CDKL3: variants seen among roughly 807,000 people sequenced by gnomAD.
CDKL3 encodes cyclin dependent kinase like 3.
A neutral mutation model predicts 69.3 loss-of-function variants in CDKL3; 65 were observed. That is an observed-to-expected ratio of 0.94 (90% CI 0.77 to 1.15). The LOEUF (loss-of-function observed/expected upper bound fraction) is 1.15. Among genes scored for constraint, CDKL3 ranks in the 50% most tolerant of loss-of-function variants. The pLI is 0.00. For missense variants in CDKL3, 652 were observed against 689.2 expected (o/e 0.95, Z 0.61); for synonymous variants, 202 against 221.6 (o/e 0.91, Z 0.79).
chr5:134,310,923 T>C (rs1168597492), intron 7 of CDKL3, among the ~76,000 whole-genome samples: 5 of 152,252 alleles, frequency 3.3e-5, no homozygotes, highest in African/African-American at 1.2e-4. Flanking sequence ...CCTGGACTCT[T>C]CCATATCTGA....
intron 12 of CDKL3, chr5:134,299,789 T>C (rs1385584147): frequency 2.3e-6 from 3 of 1,327,048 alleles, no homozygotes; most frequent in Non-Finnish European, 2.1e-6. Flanking sequence ...ATTGAGGACA[T>C]GGTGAGTCTT....
intron 2 of CDKL3, among the ~76,000 whole-genome samples, chr5:134,363,728 T>A (rs1312323644): frequency 6.6e-6 from 1 of 152,062 alleles, no homozygotes. Flanking sequence ...CCCAAAGTGC[T>A]AGGATTACTG....
At chr5:134,307,659 G>A (rs1768240527) in intron 9 of CDKL3, among the ~76,000 whole-genome samples, 1 of 152,134 alleles carries the variant, frequency 6.6e-6, no homozygotes, top group Admixed American at 6.6e-5. Flanking sequence ...CTCTCAATCT[G>A]TATCAGAGGT....
chr5:134,361,093 C>A (rs1387857669), intron 2 of CDKL3, among the ~76,000 whole-genome samples: 1 of 152,092 alleles, frequency 6.6e-6, no homozygotes, highest in Non-Finnish European at 1.5e-5. Flanking sequence ...GTAAATGATG[C>A]CCATGTATCA....
intron 4 of CDKL3, among the ~76,000 whole-genome samples, chr5:134,332,224 T>C (rs1447955817): frequency 6.6e-6 from 1 of 152,190 alleles, no homozygotes; most frequent in Non-Finnish European, 1.5e-5. Context: ...TTGCAAAAAT[T>C]TTCTCCCATT....
At position 134,304,458 on chromosome 5, in the gene CDKL3, T is replaced by C; in HGVS notation, c.1568A>G (p.His523Arg). The change falls in exon 11 of 13, where the codon CAT (histidine) becomes CGT (arginine). Residue 523 changes from histidine (H) to arginine (R), a missense_variant. Transcript: ENST00000265334. ...TATTGTGACAGGCAATTCTGGAAAA[T>C]GGAATTCTTTCCTGTCAGATCTGGA... is the stretch of plus-strand genomic sequence containing the variant. ...NFSRSDRKEFHFPELPVTIQS... is the reference protein window; with the variant it reads ...NFSRSDRKEFRFPELPVTIQS... The C allele has an allele frequency of 4.3e-6, 7 of 1,613,146 alleles. No homozygotes were observed. The highest frequency in any genetic ancestry group is 5.9e-6 in the Non-Finnish European group (7 of 1,179,586).
chr5:134,323,028 TG>T (rs1474973044), intron 4 of CDKL3, among the ~76,000 whole-genome samples: 1 of 150,226 alleles, frequency 6.7e-6, no homozygotes, highest in Non-Finnish European at 1.5e-5. Flanking sequence ...TGTGCTGAAA[TG>T]GAATGATCTC....
At chr5:134,296,423 G>T (rs1765352790), downstream of CDKL3, among the ~76,000 whole-genome samples, 1 of 152,158 alleles carries the variant, frequency 6.6e-6, no homozygotes. Context: ...CAGCAGATTT[G>T]CAGGGAAAGT....
At chr5:134,351,268 A>C (rs1336129537) in intron 3 of CDKL3, among the ~76,000 whole-genome samples, 1 of 151,908 alleles carries the variant, frequency 6.6e-6, no homozygotes, top group African/African-American at 2.4e-5. Flanking sequence ...TCCTCTCTTC[A>C]TATGTATCAA....
At chr5:134,349,333 G>A (rs1281715372) in intron 4 of CDKL3, among the ~76,000 whole-genome samples, 1 of 152,070 alleles carries the variant, frequency 6.6e-6, no homozygotes, top group East Asian at 1.9e-4. Flanking sequence ...GCTCAAGATT[G>A]ATTATTTATA....
intron 3 of CDKL3, among the ~76,000 whole-genome samples, chr5:134,357,008 TTCA>T (rs959799654): frequency 3.3e-5 from 5 of 151,658 alleles, no homozygotes; most frequent in African/African-American, 1.2e-4. Context: ...AACTTAGCAC[TTCA>T]TCATCTACAC....
intron 4 of CDKL3, among the ~76,000 whole-genome samples, chr5:134,335,287 CTG>C (rs1159173602): frequency 6.6e-6 from 1 of 152,026 alleles, no homozygotes; most frequent in Non-Finnish European, 1.5e-5. Context: ...ATTTGCCAGT[CTG>C]TGTCTTTTAA....
chr5:134,314,683 G>A (rs1402608990), intron 6 of CDKL3, among the ~76,000 whole-genome samples: 1 of 152,228 alleles, frequency 6.6e-6, no homozygotes, highest in Non-Finnish European at 1.5e-5. Context: ...ATTATGCTGA[G>A]TGGAAGAAGC....
chr5:134,328,475 A>G (rs1429237703), intron 4 of CDKL3, among the ~76,000 whole-genome samples: 1 of 152,176 alleles, frequency 6.6e-6, no homozygotes, highest in Non-Finnish European at 1.5e-5. Context: ...GACAAGACCA[A>G]TAGAAATTAT....
chr5:134,304,383 A>C, intron 11 of CDKL3, 22 bp downstream of exon 11: 1 of 1,561,974 alleles, frequency 6.4e-7, no homozygotes, highest in East Asian at 2.3e-5. Context: ...CATAATTGTA[A>C]AGCTATGCAA....
intron 3 of CDKL3, among the ~76,000 whole-genome samples, chr5:134,356,460 T>C (rs1290659181): frequency 1.3e-5 from 2 of 152,196 alleles, no homozygotes; most frequent in Non-Finnish European, 2.9e-5. Flanking sequence ...AATTCACTTA[T>C]TAACCTGTGA....
chr5:134,347,298 T>A (rs1004780428), intron 4 of CDKL3, among the ~76,000 whole-genome samples: 3 of 151,802 alleles, frequency 2.0e-5, no homozygotes, highest in Middle Eastern at 3.4e-3. Flanking sequence ...ACTCAGCTAG[T>A]GGGAATGTAA....
At chr5:134,364,673 G>A (rs1756958358) in intron 2 of CDKL3, among the ~76,000 whole-genome samples, 1 of 151,686 alleles carries the variant, frequency 6.6e-6, no homozygotes, top group Non-Finnish European at 1.5e-5. Flanking sequence ...TACCATCCCC[G>A]GCTAATTTTT....
rs551429695 is a variant in CDKL3 at position 134,361,263 on chromosome 5, T to G, written c.166-1172A>C. 1.3e-4 allele frequency among the ~76,000 whole-genome samples: 20 copies of G among 152,232 alleles called. No homozygotes were observed. In the South Asian group the frequency reaches 3.5e-3, roughly 27 times the overall value. On this transcript the variant is annotated intron_variant, in intron 2 of 12. Coordinates refer to ENST00000265334, the MANE Select transcript of CDKL3 (RefSeq NM_001113575.2). ...AAATGAAGGGTTTTTTTTTGTTTTT[T>G]TTTTTAAGAGAACAAGTCTTGCTAT...
Sources: gnomAD v4.1 joint callset for allele counts (sites outside exome capture counted in the v4.1 genomes callset) on GRCh38, gnomAD v4.1.1 for gene constraint, MANE v1.5 for transcripts, NCBI Gene and HGNC (gene_info 2026-07-23, HGNC 2026-07-21) for gene names.